The following NBEAL1 variants were observed in gnomAD, a reference collection of about 807,000 sequenced individuals.
NBEAL1 encodes the protein neurobeachin like 1.
A neutral mutation model predicts 351.3 loss-of-function variants in NBEAL1; 273 were observed. The ratio of observed to expected loss-of-function variants is 0.78; its 90% CI spans 0.70 to 0.86. NBEAL1 has a LOEUF of 0.86. Among genes scored for constraint, NBEAL1 ranks in the 40% least tolerant of loss-of-function variants. The probability of loss-of-function intolerance (pLI) is 0.00; values close to 1 mark genes in which losing one functional copy is unlikely to be tolerated. For missense variants in NBEAL1, 2,961 were observed against 3,201.3 expected (o/e 0.92, Z 1.81); for synonymous variants, 1,050 against 1,086.4 (o/e 0.97, Z 0.66).
At chr2:203,143,147 A>G (rs2063423402) in intron 31 of NBEAL1, among the ~76,000 whole-genome samples, 1 of 152,208 alleles carries the variant, frequency 6.6e-6, no homozygotes, top group Non-Finnish European at 1.5e-5. Context: ...AGGGAGAAGG[A>G]GTCACAATAT....
chr2:203,197,750 A>G (rs921595435), intron 48 of NBEAL1, among the ~76,000 whole-genome samples: 1 of 152,092 alleles, frequency 6.6e-6, no homozygotes, highest in Non-Finnish European at 1.5e-5. Context: ...TCTACTAAAA[A>G]TACAAAAAAT....
At chr2:203,171,149 T>C (rs1423507774) in intron 39 of NBEAL1, among the ~76,000 whole-genome samples, 2 of 151,916 alleles carry the variant, frequency 1.3e-5, no homozygotes, top group Non-Finnish European at 2.9e-5. Flanking sequence ...TCCCAGCGAC[T>C]CAGGAGGCTG....
chr2:203,199,881 A>C (rs892669413), intron 49 of NBEAL1, among the ~76,000 whole-genome samples: 2 of 152,214 alleles, frequency 1.3e-5, no homozygotes. Context: ...ATATTGGTTT[A>C]AATACAAAAC....
chr2:203,213,062 G>C (rs2065830337), intron 54 of NBEAL1, among the ~76,000 whole-genome samples: 1 of 152,158 alleles, frequency 6.6e-6, no homozygotes, highest in Non-Finnish European at 1.5e-5. Context: ...TCTAACTGTT[G>C]TGTTCCTTAC....
intron 2 of NBEAL1, chr2:203,040,798 C>A: frequency 5.7e-6 from 3 of 525,764 alleles, no homozygotes; most frequent in South Asian, 1.6e-5. Flanking sequence ...CTCACTGCAA[C>A]CTCCACTATA....
chr2:203,129,419 C>T (rs147066104), intron 24 of NBEAL1, among the ~76,000 whole-genome samples: 80 of 152,208 alleles, frequency 5.3e-4, no homozygotes, highest in African/African-American at 1.9e-3. Context: ...ACTTCATTAT[C>T]GGTATTAGAT....
At chr2:203,033,827 T>C (rs2060992708) in intron 2 of NBEAL1, among the ~76,000 whole-genome samples, 2 of 152,230 alleles carry the variant, frequency 1.3e-5, no homozygotes, top group South Asian at 2.1e-4. Flanking sequence ...CCAAATGTTA[T>C]ACATCTTTGA....
intron 2 of NBEAL1, among the ~76,000 whole-genome samples, chr2:203,038,495 A>G (rs1213888410): frequency 6.7e-6 from 1 of 149,036 alleles, no homozygotes; most frequent in African/African-American, 2.4e-5. Context: ...GGCCGTTTGT[A>G]TATTCCCTTT....
chr2:203,028,320 CTT>C (rs1369583090), intron 2 of NBEAL1, among the ~76,000 whole-genome samples: 18 of 151,756 alleles, frequency 1.2e-4, no homozygotes, highest in Non-Finnish European at 2.9e-5. Flanking sequence ...CCTGGCCTGA[CTT>C]TTTGATTGGA....
intron 27 of NBEAL1, among the ~76,000 whole-genome samples, chr2:203,135,460 C>G (rs938088299): frequency 6.6e-6 from 1 of 152,086 alleles, no homozygotes; most frequent in Non-Finnish European, 1.5e-5. Context: ...TTAGTGTACT[C>G]TTACTCTGTA....
chr2:203,201,070 G>C (rs559906991), intron 49 of NBEAL1, among the ~76,000 whole-genome samples: 2 of 152,310 alleles, frequency 1.3e-5, no homozygotes, highest in South Asian at 4.1e-4. Context: ...CAGCATGCTT[G>C]CTTTGGTTCA....
chr2:203,119,423 G>GTTTTTTTTTTTTTTTTTTT (rs1559379701), intron 18 of NBEAL1, among the ~76,000 whole-genome samples: 1 of 21,432 alleles, frequency 4.7e-5, no homozygotes, highest in African/African-American at 9.3e-5. Context: ...ACGGCCTGTT[G>GTTTTTTTTTTTTTTTTTTT]CTTTTTTTTT....
At chr2:203,027,602 G>A (rs2060879853) in intron 2 of NBEAL1, among the ~76,000 whole-genome samples, 1 of 152,122 alleles carries the variant, frequency 6.6e-6, no homozygotes, top group Admixed American at 6.5e-5. Context: ...GCCACTGTGA[G>A]GTGAATTTAT....
intron 21 of NBEAL1, 96 bp downstream of exon 21, chr2:203,126,189 T>G (rs2062933283): frequency 8.1e-7 from 1 of 1,237,894 alleles, no homozygotes; most frequent in Non-Finnish European, 1.1e-6. Context: ...TTTTAAAGAT[T>G]ATTACAACTT....
At chr2:203,097,921 T>C (rs1397761664) in intron 11 of NBEAL1, among the ~76,000 whole-genome samples, 1 of 152,204 alleles carries the variant, frequency 6.6e-6, no homozygotes, top group East Asian at 1.9e-4. Flanking sequence ...CTCAGTACAA[T>C]GCTGTCCACC....
intron 4 of NBEAL1, 139 bp downstream of exon 4, chr2:203,050,114 A>G: frequency 1.4e-6 from 1 of 702,052 alleles, no homozygotes; most frequent in Non-Finnish European, 2.3e-6. Flanking sequence ...ACATTAGGAG[A>G]AATACCTAAT....
intron 3 of NBEAL1, among the ~76,000 whole-genome samples, chr2:203,044,933 G>A (rs1458452037): frequency 6.6e-6 from 1 of 152,154 alleles, no homozygotes; most frequent in African/African-American, 2.4e-5. Flanking sequence ...CAGAGGAACA[G>A]ATTTGTGGAA....
chr2:203,057,240 A>G (rs1559336466), intron 5 of NBEAL1, 86 bp from the exon 6 acceptor site: 27 of 1,202,042 alleles, frequency 2.2e-5, no homozygotes, highest in Non-Finnish European at 2.0e-5. Context: ...TCTCAAAGGG[A>G]AAGTTTGGCT....
Position 203,171,907 on chromosome 2 carries a change from G to T in NBEAL1, c.6103-21G>T, listed in dbSNP as rs746599375. ...ATGTAGATTTTTAAATTTTGATATT[G>T]CTCTTTTTTGTGCTGTCTAGAAATG... is the stretch of plus-strand genomic sequence containing the variant. On this transcript the variant is annotated intron_variant, in intron 39 of 55. Coordinates refer to ENST00000683969, the MANE Select transcript of NBEAL1 (RefSeq NM_001378026.1). 18 of 1,405,268 alleles carry T rather than the reference G, an allele frequency of 1.3e-5. No homozygotes were observed. The Admixed American group carries it at 3.2e-4, about 25-fold the overall frequency. 87.0% of individuals were successfully genotyped at this position (1,405,268 alleles called of 1,614,324 possible).
Sources: allele counts gnomAD v4.1 joint callset (sites outside exome capture counted in the v4.1 genomes callset), GRCh38; gene constraint gnomAD v4.1.1; transcripts MANE v1.5; gene names NCBI Gene and HGNC (gene_info 2026-07-23, HGNC 2026-07-21).